The following GRM4 variants were observed in gnomAD, a reference collection of about 807,000 sequenced individuals.
GRM4 encodes the protein metabotropic glutamate receptor 4.
GRM4 carries 28 observed loss-of-function variants against 81.7 expected under a neutral mutation model. The observed-to-expected ratio is 0.34, with a 90% CI of 0.25 to 0.47. GRM4 has a LOEUF of 0.47. Among genes scored for constraint, GRM4 ranks in the 20% least tolerant of loss-of-function variants. GRM4 has a pLI of 1.00. For synonymous variants in GRM4, 488 were observed against 528.8 expected (o/e 0.92, Z 1.06); for missense variants, 948 against 1,290.0 (o/e 0.73, Z 4.06).
Position 34,064,790 on chromosome 6 carries a change from C to T in GRM4, c.737-2762G>A, listed in dbSNP as rs1334998685. Among the ~76,000 whole-genome samples the T allele has an allele frequency of 6.6e-6, 1 of 152,122 alleles. No individual in the cohort carries two copies. The highest frequency in any genetic ancestry group is 1.5e-5 in the Non-Finnish European group (1 of 68,006). Reference sequence around the variant, plus strand: ...CGGCCCGAGAGGCCACTGAGCACCCCCTGCATGCCTGGCACCATGCGAGGC... The same window carrying T: ...CGGCCCGAGAGGCCACTGAGCACCCTCTGCATGCCTGGCACCATGCGAGGC... On this transcript the variant is annotated intron_variant, in intron 3 of 10. Transcript: ENST00000538487. This position sits in a 1 kb window ranked among gnomAD's most constrained non-coding sequence, Gnocchi z 4.4.
chr6:34,112,534 G>A (rs529442728), intron 2 of GRM4, among the ~76,000 whole-genome samples: 1 of 152,326 alleles, frequency 6.6e-6, no homozygotes, highest in South Asian at 2.1e-4. Flanking sequence ...GGACTCACCA[G>A]TTTCTCTGTG....
Position 34,035,647 on chromosome 6 carries a change from C to G in GRM4, c.2442+21G>C. The G allele has an allele frequency of 7.0e-7, 1 of 1,428,168 alleles. No homozygotes were observed. Among genetic ancestry groups the G allele is most frequent in the Non-Finnish European group, 9.7e-7 (1 of 1,035,834 alleles). 88.5% of individuals were successfully genotyped at this position (1,428,168 alleles called of 1,614,324 possible). On this transcript the variant is annotated intron_variant, in intron 9 of 10. Transcript: ENST00000538487. The surrounding 1 kb of genome is among the most constrained non-coding windows in gnomAD (Gnocchi z 6.6). Reference sequence around the variant, plus strand: ...ACTGCCCTCACCTACCCACCGTCCACCCCCGGCCCCCACCACTCACCTTGT... The same window carrying G: ...ACTGCCCTCACCTACCCACCGTCCAGCCCCGGCCCCCACCACTCACCTTGT...
intron 8 of GRM4, among the ~76,000 whole-genome samples, chr6:34,037,616 G>A (rs1764777987): frequency 6.6e-6 from 1 of 152,128 alleles, no homozygotes; most frequent in Non-Finnish European, 1.5e-5. Context: ...TGTAATCCCA[G>A]CACTTTGGGA....
At chr6:34,083,641 C>T (rs1767726580) in intron 3 of GRM4, among the ~76,000 whole-genome samples, 1 of 152,278 alleles carries the variant, frequency 6.6e-6, no homozygotes, top group Non-Finnish European at 1.5e-5. Context: ...GGGCCCACTC[C>T]CCTGCGTCCT....
intron 3 of GRM4, among the ~76,000 whole-genome samples, chr6:34,088,038 G>A (rs1396502542): frequency 6.6e-6 from 1 of 152,104 alleles, no homozygotes; most frequent in Admixed American, 6.5e-5. Context: ...CAGGCCCCAG[G>A]TAGGGCTGGG....
At chr6:34,155,216 G>A (rs1771126550) in exon 1 of GRM4, 1 of 1,535,426 alleles carries the variant, frequency 6.5e-7, no homozygotes, top group Non-Finnish European at 8.7e-7. Flanking sequence ...CCTCTTGTGC[G>A]CACCCACACA....
intron 1 of GRM4, among the ~76,000 whole-genome samples, chr6:34,144,985 C>A (rs995038053): frequency 6.6e-6 from 1 of 151,976 alleles, no homozygotes; most frequent in Non-Finnish European, 1.5e-5. Flanking sequence ...GGGAGCTCGC[C>A]GGAGGCCACC....
intron 2 of GRM4, among the ~76,000 whole-genome samples, chr6:34,124,507 G>A (rs4713744): frequency 0.55 from 84,247 of 152,088 alleles, 23,428 homozygotes; most frequent in Admixed American, 0.64. Flanking sequence ...AAGCCCACCA[G>A]GGCAGGGCTC....
chr6:34,053,688 G>A (rs1014739039), intron 6 of GRM4, among the ~76,000 whole-genome samples: 4 of 152,162 alleles, frequency 2.6e-5, no homozygotes, highest in South Asian at 2.1e-4. Context: ...CCAGAGGCTC[G>A]CAAACTTTGC....
chr6:34,127,217 G>A (rs1252995909), intron 2 of GRM4, among the ~76,000 whole-genome samples: 1 of 152,194 alleles, frequency 6.6e-6, no homozygotes, highest in Non-Finnish European at 1.5e-5. Context: ...TCAAGGAAAA[G>A]AACAGGGAAA....
chr6:34,101,941 G>T, intron 2 of GRM4: 1 of 1,375,402 alleles, frequency 7.3e-7, no homozygotes, highest in Non-Finnish European at 9.9e-7. Context: ...CCGGAGGCCA[G>T]GGGTATGGCC....
At chr6:34,023,665 G>C (rs562838215) in intron 10 of GRM4, among the ~76,000 whole-genome samples, 4 of 152,274 alleles carry the variant, frequency 2.6e-5, no homozygotes, top group African/African-American at 9.6e-5. Context: ...GGTGGTACAT[G>C]GGGGTATCTC....
intron 1 of GRM4, among the ~76,000 whole-genome samples, chr6:34,154,076 TA>T (rs2127522217): frequency 6.6e-6 from 1 of 152,354 alleles, no homozygotes; most frequent in Non-Finnish European, 1.5e-5. Context: ...CGCTCTGTGT[TA>T]AAGGCTAGGC....
chr6:34,051,164 T>C (rs759244325), intron 6 of GRM4, among the ~76,000 whole-genome samples: 1 of 152,056 alleles, frequency 6.6e-6, no homozygotes, highest in Non-Finnish European at 1.5e-5. Context: ...GGGGCTGGGA[T>C]AGCACCTGGT....
At chr6:34,024,254 G>A (rs909464147) in intron 10 of GRM4, 1 of 176,292 alleles carries the variant, frequency 5.7e-6, no homozygotes, top group African/African-American at 2.3e-5. Flanking sequence ...ACACATGGAA[G>A]GACTGTGTGC....
chr6:34,127,452 CA>C (rs1334535150), intron 2 of GRM4, among the ~76,000 whole-genome samples: 5 of 152,238 alleles, frequency 3.3e-5, no homozygotes, highest in Middle Eastern at 3.2e-3. Flanking sequence ...AAAGGGACAT[CA>C]GGGGCACCAG....
In GRM4 at chr6:34,035,511, G is replaced by A. The variant is rs568530673; in HGVS notation, c.2442+157C>T. 1.4e-4 allele frequency among the ~76,000 whole-genome samples: 21 copies of A among 152,226 alleles called. No homozygotes were observed. Among genetic ancestry groups the A allele is most frequent in the Admixed American group, 2.0e-4 (3 of 15,294 alleles). ...GCAGCTGGGAGAGAAGGCAGAATGA[G>A]GCATGAAAGAAGGCAGAATGAGGCA... is the stretch of plus-strand genomic sequence containing the variant. On this transcript the variant is annotated intron_variant, in intron 9 of 10. Transcript: ENST00000538487. The surrounding 1 kb of genome is among the most constrained non-coding windows in gnomAD (Gnocchi z 6.6).
At position 34,040,766 on chromosome 6, in the gene GRM4, G is replaced by C. The variant is rs758974328; in HGVS notation, c.1169-18C>G. On this transcript the variant is annotated intron_variant, in intron 6 of 10. Coordinates refer to ENST00000538487, the MANE Select transcript of GRM4 (RefSeq NM_000841.4). Reference sequence around the variant, plus strand: ...CTCACGGTCTGCAATGAAACACCAGGAACAGGGACACTCGTGAGGCCCACT... The same window carrying C: ...CTCACGGTCTGCAATGAAACACCAGCAACAGGGACACTCGTGAGGCCCACT... 1.2e-6 allele frequency: 2 copies of C among 1,602,174 alleles called. No homozygotes were observed. Among genetic ancestry groups the C allele is most frequent in the Non-Finnish European group, 1.7e-6 (2 of 1,170,612 alleles).
At chr6:34,118,877 A>G (rs1226870387) in intron 2 of GRM4, among the ~76,000 whole-genome samples, 1 of 152,252 alleles carries the variant, frequency 6.6e-6, no homozygotes, top group Non-Finnish European at 1.5e-5. Flanking sequence ...AACATTTACC[A>G]AATGAATACA....
Sources: gnomAD v4.1 joint callset for allele counts (sites outside exome capture counted in the v4.1 genomes callset) on GRCh38, gnomAD v4.1.1 for gene constraint, Gnocchi (gnomAD v3.1) non-coding constraint, MANE v1.5 for transcripts, NCBI Gene and HGNC (gene_info 2026-07-23, HGNC 2026-07-21) for gene names.